The following GALNT14 variants were observed in gnomAD, a reference collection of about 807,000 sequenced individuals.
GALNT14 encodes the protein UDP-GalNAc:polypeptide N-acetylgalactosaminyltransferase 14.
GALNT14 carries 60 observed loss-of-function variants against 77.5 expected under a neutral mutation model. The ratio of observed to expected loss-of-function variants is 0.77; its 90% CI spans 0.63 to 0.96. The LOEUF is 0.96. GALNT14 is among the 40% of genes least tolerant of loss of function. The probability of loss-of-function intolerance (pLI) is 0.00; values close to 1 mark genes in which losing one functional copy is unlikely to be tolerated. For missense variants in GALNT14, 710 were observed against 731.0 expected (o/e 0.97, Z 0.33); for synonymous variants, 280 against 281.7 (o/e 0.99, Z 0.06).
intron 1 of GALNT14, among the ~76,000 whole-genome samples, chr2:31,131,495 A>G (rs1678992362): frequency 6.6e-6 from 1 of 152,194 alleles, no homozygotes; most frequent in African/African-American, 2.4e-5. Context: ...TTTCTAATTC[A>G]GATTATTTTC....
At chr2:31,046,788 C>T (rs1673497995) in intron 1 of GALNT14, among the ~76,000 whole-genome samples, 2 of 152,068 alleles carry the variant, frequency 1.3e-5, no homozygotes, top group Admixed American at 6.5e-5. Context: ...TTCCAGGTCT[C>T]CCCAGTGCCC....
intron 13 of GALNT14, among the ~76,000 whole-genome samples, chr2:30,917,390 G>A (rs999870096): frequency 2.0e-5 from 3 of 152,202 alleles, no homozygotes; most frequent in Non-Finnish European, 4.4e-5. Context: ...TACCAGTAGT[G>A]CTGAGGGTTA....
intron 1 of GALNT14, among the ~76,000 whole-genome samples, chr2:31,061,123 G>A (rs549913761): frequency 1.9e-4 from 29 of 152,140 alleles, no homozygotes; most frequent in African/African-American, 6.3e-4. Context: ...TTCTTCCTGA[G>A]CTCAACCCCT....
At chr2:31,085,686 T>C (rs554334871) in intron 1 of GALNT14, among the ~76,000 whole-genome samples, 2 of 152,374 alleles carry the variant, frequency 1.3e-5, no homozygotes, top group African/African-American at 4.8e-5. Context: ...TTTGCTGCAC[T>C]GCGGGGACCC....
chr2:31,006,608 G>GTGAGGC (rs1309029414), intron 1 of GALNT14, among the ~76,000 whole-genome samples: 1 of 152,194 alleles, frequency 6.6e-6, no homozygotes, highest in African/African-American at 2.4e-5. Context: ...CATTCATAGA[G>GTGAGGC]TGAGGCTTCC....
At chr2:31,028,285 T>C (rs905898977) in intron 1 of GALNT14, among the ~76,000 whole-genome samples, 3 of 152,116 alleles carry the variant, frequency 2.0e-5, no homozygotes, top group Non-Finnish European at 4.4e-5. Flanking sequence ...TCTGAGGTGA[T>C]GATGAGCCTC....
At chr2:31,131,555 G>A (rs1278525707) in intron 1 of GALNT14, among the ~76,000 whole-genome samples, 2 of 152,158 alleles carry the variant, frequency 1.3e-5, no homozygotes, top group Non-Finnish European at 2.9e-5. Context: ...TGACAAAACT[G>A]CAAACATTAG....
chr2:31,084,442 G>A (rs763935726), intron 1 of GALNT14, among the ~76,000 whole-genome samples: 26 of 152,302 alleles, frequency 1.7e-4, no homozygotes, highest in Non-Finnish European at 3.5e-4. Flanking sequence ...TTTGGACCAG[G>A]CAGCCAGCAT....
At chr2:31,062,468 G>A (rs569745184) in intron 1 of GALNT14, among the ~76,000 whole-genome samples, 2 of 152,114 alleles carry the variant, frequency 1.3e-5, no homozygotes, top group Non-Finnish European at 1.5e-5. Context: ...TCATTGATGG[G>A]CATTTGGGTT....
chr2:31,005,489 T>A (rs1286161217), intron 1 of GALNT14, among the ~76,000 whole-genome samples: 2 of 152,244 alleles, frequency 1.3e-5, no homozygotes, highest in Non-Finnish European at 2.9e-5. Flanking sequence ...AGAAGTGAGA[T>A]GAGACATGAA....
At chr2:30,989,496 A>G (rs944469399) in intron 2 of GALNT14, among the ~76,000 whole-genome samples, 42 of 148,316 alleles carry the variant, frequency 2.8e-4, no homozygotes, top group Admixed American at 7.5e-4. Context: ...GCCTACCCAC[A>G]TACCCTGTAA....
In GALNT14 at chr2:30,976,534, T is replaced by C. The variant is rs75767567; in HGVS notation, c.300-10232A>G. ...TCTATGGAGGCTGCAAAGAGGTTTC[T>C]CTAGGGACACTGGCAGGACCTGTGT... On this transcript the variant is annotated intron_variant, in intron 2 of 14. Transcript: ENST00000349752. Among the ~76,000 whole-genome samples the C allele has an allele frequency of 2.1e-3, 315 of 152,220 alleles. 1 individual carries two copies. The highest frequency in any genetic ancestry group is 7.3e-3 in the African/African-American group (305 of 41,540).
intron 1 of GALNT14, among the ~76,000 whole-genome samples, chr2:31,083,851 T>C (rs1676276055): frequency 6.6e-6 from 1 of 152,176 alleles, no homozygotes; most frequent in Non-Finnish European, 1.5e-5. Flanking sequence ...ACCTTGCACC[T>C]ACTCCCGCTC....
intron 1 of GALNT14, among the ~76,000 whole-genome samples, chr2:31,009,818 C>T (rs1296081893): frequency 6.6e-6 from 1 of 152,174 alleles, no homozygotes; most frequent in African/African-American, 2.4e-5. Context: ...ATCACTTGAA[C>T]CCACACACAA....
chr2:30,996,559 C>A (rs942181790), intron 1 of GALNT14, among the ~76,000 whole-genome samples: 1 of 152,148 alleles, frequency 6.6e-6, no homozygotes, highest in Non-Finnish European at 1.5e-5. Context: ...CCTCACCCCC[C>A]CTCTACTCTC....
rs1415652304 is a variant in GALNT14, at chr2:31,075,598, C to A, written c.129+62360G>T. On this transcript the variant is annotated intron_variant, in intron 1 of 14. Coordinates refer to ENST00000349752, the MANE Select transcript of GALNT14 (RefSeq NM_024572.4). ...CAGGAAGAGGCTCAGCTGGCCTACG[C>A]CCAGCTCTGAGAGTGACAGCGTGTT... Among the ~76,000 whole-genome samples, 3 of 152,220 alleles carry A rather than the reference C, an allele frequency of 2.0e-5. No homozygotes were observed. In the East Asian group the frequency reaches 5.8e-4, roughly 29 times the overall value.
chr2:30,912,580 G>A (rs1050240744), intron 13 of GALNT14, among the ~76,000 whole-genome samples: 1 of 152,256 alleles, frequency 6.6e-6, no homozygotes, highest in South Asian at 2.1e-4. Flanking sequence ...GGGCCATTCA[G>A]GCTGCCTCTG....
At chr2:31,063,947 T>G (rs547980021) in intron 1 of GALNT14, among the ~76,000 whole-genome samples, 1 of 152,294 alleles carries the variant, frequency 6.6e-6, no homozygotes, top group African/African-American at 2.4e-5. Flanking sequence ...TTTGCCTGGA[T>G]GGAAAAGATT....
At chr2:31,018,318 C>T (rs150499935) in intron 1 of GALNT14, among the ~76,000 whole-genome samples, 271 of 152,326 alleles carry the variant, frequency 1.8e-3, no homozygotes, top group African/African-American at 6.4e-3. Flanking sequence ...AAAGATGTAC[C>T]TGAGACTGGG....
Sources: gnomAD v4.1 joint callset for allele counts (sites outside exome capture counted in the v4.1 genomes callset) on GRCh38, gnomAD v4.1.1 for gene constraint, MANE v1.5 for transcripts, NCBI Gene and HGNC (gene_info 2026-07-23, HGNC 2026-07-21) for gene names.